RBFOX3: variants seen among roughly 807,000 people sequenced by gnomAD.
RBFOX3 encodes RNA binding fox-1 homolog 3.
Under a neutral mutation model 48.7 loss-of-function variants are expected in RBFOX3, and 17 were observed. That is an observed-to-expected ratio of 0.35 (90% confidence interval 0.24 to 0.52). The LOEUF is 0.52. Ranked by LOEUF, RBFOX3 falls within the 20% of genes least tolerant of loss-of-function variation. The pLI is 0.94. For synonymous variants in RBFOX3, 212 were observed against 209.5 expected (o/e 1.01, Z -0.10); for missense variants, 382 against 497.5 (o/e 0.77, Z 2.21).
chr17:79,452,318 G>T (rs142794474), intron 2 of RBFOX3, among the ~76,000 whole-genome samples: 1 of 152,248 alleles, frequency 6.6e-6, no homozygotes, highest in Non-Finnish European at 1.5e-5. Flanking sequence ...CACCACCTCC[G>T]CTGCGGAGGA....
chr17:79,499,236 C>CCATTCACATT (rs2082059441), intron 1 of RBFOX3, among the ~76,000 whole-genome samples: 1 of 151,282 alleles, frequency 6.6e-6, no homozygotes, highest in Non-Finnish European at 1.5e-5. Context: ...ATTCATCCAT[C>CCATTCACATT]CATTCACATA....
chr17:79,617,658 C>T, the RBFOX3 span, among the ~76,000 whole-genome samples: 1 of 152,224 alleles, frequency 6.6e-6, no homozygotes, highest in Non-Finnish European at 1.5e-5. Flanking sequence ...TAAACACCAG[C>T]GTCCCATTTT....
At chr17:79,144,946 G>C (rs1030497138) in intron 4 of RBFOX3, among the ~76,000 whole-genome samples, 2 of 152,196 alleles carry the variant, frequency 1.3e-5, no homozygotes, top group Non-Finnish European at 2.9e-5. Flanking sequence ...CAAAGGAGAC[G>C]AGCGCACCTG....
At chr17:79,651,174 C>A in the RBFOX3 span, among the ~76,000 whole-genome samples, 56 of 152,192 alleles carry the variant, frequency 3.7e-4, no homozygotes, top group African/African-American at 1.3e-3. Context: ...GGTCCACGTG[C>A]CCACTTCCCC....
chr17:79,658,808 A>T, the RBFOX3 span, among the ~76,000 whole-genome samples: 1 of 152,150 alleles, frequency 6.6e-6, no homozygotes, highest in Admixed American at 6.5e-5. Context: ...GAAAACACAG[A>T]AACAAGAGCT....
chr17:79,107,222 A>G (rs1420714066), intron 5 of RBFOX3, among the ~76,000 whole-genome samples: 2 of 152,178 alleles, frequency 1.3e-5, no homozygotes, highest in Non-Finnish European at 2.9e-5. Context: ...CTGCAGACAG[A>G]TGTCGGCCTG....
At chr17:79,317,463 A>G (rs919789999) in intron 2 of RBFOX3, among the ~76,000 whole-genome samples, 4 of 152,206 alleles carry the variant, frequency 2.6e-5, no homozygotes, top group Non-Finnish European at 5.9e-5. Context: ...CAGGGTGAGC[A>G]CATCTGGCTT....
chr17:79,486,638 C>T (rs1210436275), intron 1 of RBFOX3, among the ~76,000 whole-genome samples: 1 of 152,164 alleles, frequency 6.6e-6, no homozygotes, highest in African/African-American at 2.4e-5. Context: ...TGACAGGGCC[C>T]CCAAATAATA....
rs185642948 is a variant in RBFOX3, at chr17:79,137,152, G to A, written c.-33-21404C>T. Among the ~76,000 whole-genome samples, 46 of 152,102 alleles carry A rather than the reference G, an allele frequency of 3.0e-4. No homozygotes were observed. The East Asian group carries it at 6.4e-3, about 21-fold the overall frequency. On this transcript the variant is annotated intron_variant, in intron 4 of 14. Coordinates refer to ENST00000693108, the MANE Select transcript of RBFOX3 (RefSeq NM_001350451.2). ...TGCATCCTCACAGAGACACACACAC[G>A]TGCTCACATGCATGGACTCACACAC...
At chr17:79,331,245 C>T (rs2080237506) in intron 2 of RBFOX3, among the ~76,000 whole-genome samples, 1 of 152,200 alleles carries the variant, frequency 6.6e-6, no homozygotes, top group Admixed American at 6.5e-5. Context: ...ATGCTCAGCC[C>T]AGAAGCATTT....
chr17:79,275,321 G>A (rs945822780), intron 3 of RBFOX3, among the ~76,000 whole-genome samples: 2 of 151,960 alleles, frequency 1.3e-5, no homozygotes, highest in Non-Finnish European at 2.9e-5. Flanking sequence ...CTCTGTCCCT[G>A]ATGTCACCGG....
chr17:79,503,860 G>A (rs2082697457), intron 1 of RBFOX3, among the ~76,000 whole-genome samples: 1 of 152,220 alleles, frequency 6.6e-6, no homozygotes, highest in East Asian at 1.9e-4. Context: ...GGAATCCAGA[G>A]GGGTGCAGAG....
At chr17:79,104,029 C>A in intron 7 of RBFOX3, 44 bp downstream of exon 7, 1 of 1,512,122 alleles carries the variant, frequency 6.6e-7, no homozygotes, top group South Asian at 1.2e-5. Context: ...CCTGGCGGGA[C>A]CTACAGCCGG....
At chr17:79,293,416 CTTCCTTCCTT>C (rs2073750970) in intron 3 of RBFOX3, among the ~76,000 whole-genome samples, 1 of 16,680 alleles carries the variant, frequency 6.0e-5, no homozygotes, top group African/African-American at 4.9e-4. Context: ...CCACCCCTTC[CTTCCTTCCTT>C]CCTTCCTTCC....
chr17:79,099,315 C>T (rs1238972470), intron 9 of RBFOX3: 1 of 152,280 alleles, frequency 6.6e-6, no homozygotes, highest in African/African-American at 2.4e-5. Context: ...TCTGTAGAGA[C>T]AGGGTCTCCC....
intron 2 of RBFOX3, among the ~76,000 whole-genome samples, chr17:79,420,084 G>A (rs1357765197): frequency 1.3e-5 from 2 of 150,140 alleles, no homozygotes; most frequent in Non-Finnish European, 3.0e-5. Flanking sequence ...CTGAGATCAT[G>A]CCACTGCACT....
chr17:79,152,999 G>A (rs2044929151), intron 4 of RBFOX3, among the ~76,000 whole-genome samples: 1 of 152,218 alleles, frequency 6.6e-6, no homozygotes, highest in Admixed American at 6.5e-5. Flanking sequence ...CCGCTGTCCA[G>A]ATACCCCGCC....
At chr17:79,156,678 C>T (rs910479693) in intron 4 of RBFOX3, among the ~76,000 whole-genome samples, 3 of 152,224 alleles carry the variant, frequency 2.0e-5, no homozygotes, top group Non-Finnish European at 2.9e-5. Context: ...CGGCTGTGCT[C>T]GCCCTACCGC....
At chr17:79,466,275 C>T (rs1555753667) in intron 2 of RBFOX3, among the ~76,000 whole-genome samples, 1 of 152,190 alleles carries the variant, frequency 6.6e-6, no homozygotes, top group Non-Finnish European at 1.5e-5. Context: ...TCTGGTTGAG[C>T]ATCACAAAGC....
Sources: allele counts gnomAD v4.1 joint callset (sites outside exome capture counted in the v4.1 genomes callset), GRCh38; gene constraint gnomAD v4.1.1; transcripts MANE v1.5; gene names NCBI Gene and HGNC (gene_info 2026-07-23, HGNC 2026-07-21).